Variants in LY86 observed in about 807,000 individuals in gnomAD.
LY86 encodes lymphocyte antigen 86, also known as MD-1, RP105-associated.
In LY86, 20 loss-of-function variants were observed where a neutral mutation model predicts 17.3. That is an observed-to-expected ratio of 1.15 (90% CI 0.81 to 1.68). The LOEUF is 1.68. Among genes scored for constraint, LY86 ranks in the 40% most tolerant of loss-of-function variants. The pLI is 0.00. For synonymous variants in LY86, 74 were observed against 70.6 expected, an observed-to-expected ratio of 1.05 and a Z score of -0.24; for missense variants, 200 against 191.9, an observed-to-expected ratio of 1.04 and a Z score of -0.25.
At position 6,610,456 on chromosome 6, in the gene LY86, G is replaced by C. The variant is rs536648883; in HGVS notation, c.137-14470G>C. On this transcript the variant is annotated intron_variant, in intron 1 of 4. Transcript: ENST00000230568. ...GGGCTCCACTGCCCTGGCCTCTGGG[G>C]CATCTGAGAAGCCTGGTACAGGAAG... 1.8e-4 allele frequency among the ~76,000 whole-genome samples: 28 copies of C among 152,342 alleles called. No homozygotes were observed. The South Asian group carries it at 5.8e-3, about 32-fold the overall frequency.
chr6:6,641,605 A>C (rs1762041201), intron 3 of LY86, among the ~76,000 whole-genome samples: 1 of 152,228 alleles, frequency 6.6e-6, no homozygotes, highest in Non-Finnish European at 1.5e-5. Context: ...AAAGTCAAGG[A>C]ACAGGTTCCA....
At chr6:6,590,318 G>A (rs1048580774) in intron 1 of LY86, among the ~76,000 whole-genome samples, 7 of 152,024 alleles carry the variant, frequency 4.6e-5, no homozygotes, top group African/African-American at 9.7e-5. Context: ...CGGACAGGCC[G>A]GTAGTAGAGA....
intron 1 of LY86, among the ~76,000 whole-genome samples, chr6:6,624,672 A>T (rs1235267111): frequency 6.6e-6 from 1 of 152,222 alleles, no homozygotes; most frequent in Non-Finnish European, 1.5e-5. Context: ...ACAAGTAAAG[A>T]TATAACCCAA....
chr6:6,644,409 A>C (rs950873836), intron 3 of LY86, among the ~76,000 whole-genome samples: 1 of 152,066 alleles, frequency 6.6e-6, no homozygotes, highest in African/African-American at 2.4e-5. Flanking sequence ...TCAGCTACTC[A>C]GGAGGCTGAG....
intron 1 of LY86, among the ~76,000 whole-genome samples, chr6:6,620,275 A>G (rs1475206906): frequency 6.6e-6 from 1 of 152,192 alleles, no homozygotes; most frequent in East Asian, 1.9e-4. Flanking sequence ...ATGGGGAAAG[A>G]CATATGAGAC....
rs181790762 is a variant in LY86, at chr6:6,648,404, A to C, written c.353-1221A>C. ...AATCTTTCCAAGCTCTTCTCAACAC[A>C]GTTCCTCTTGTTCACTGTGCTTCAG... is the stretch of plus-strand genomic sequence containing the variant. On this transcript the variant is annotated intron_variant, in intron 3 of 4. Transcript: ENST00000230568. Among the ~76,000 whole-genome samples, 4 of 152,246 alleles carry C rather than the reference A, an allele frequency of 2.6e-5. No individual in the cohort carries two copies. The East Asian group carries it at 7.7e-4, about 29-fold the overall frequency.
At chr6:6,640,601 T>A (rs1762026175) in intron 3 of LY86, among the ~76,000 whole-genome samples, 1 of 151,808 alleles carries the variant, frequency 6.6e-6, no homozygotes, top group South Asian at 2.1e-4. Flanking sequence ...TAGTCCTGGC[T>A]ACTTGGGAGG....
intron 1 of LY86, among the ~76,000 whole-genome samples, chr6:6,612,042 A>G (rs1021848437): frequency 7.0e-6 from 1 of 143,476 alleles, no homozygotes; most frequent in Admixed American, 7.1e-5. Context: ...ATTAGGAGAG[A>G]GCAAATTGAA....
At chr6:6,597,103 C>T (rs1450127390) in intron 1 of LY86, among the ~76,000 whole-genome samples, 1 of 152,204 alleles carries the variant, frequency 6.6e-6, no homozygotes, top group African/African-American at 2.4e-5. Flanking sequence ...GAAACTACAG[C>T]ATAGGCAACA....
chr6:6,629,771 G>C (rs1761871715), intron 3 of LY86, among the ~76,000 whole-genome samples: 2 of 152,204 alleles, frequency 1.3e-5, no homozygotes, highest in African/African-American at 4.8e-5. Flanking sequence ...TCAAAGACCA[G>C]CTGATGCTCT....
At chr6:6,604,143 C>T (rs1336636273) in intron 1 of LY86, among the ~76,000 whole-genome samples, 2 of 152,108 alleles carry the variant, frequency 1.3e-5, no homozygotes, top group Non-Finnish European at 1.5e-5. Context: ...TCTATGGGGT[C>T]ATATACCCTC....
intron 1 of LY86, 111 bp from the exon 2 acceptor site, chr6:6,624,815 C>T: frequency 1.6e-6 from 1 of 617,064 alleles, no homozygotes; most frequent in Non-Finnish European, 2.9e-6. Flanking sequence ...GGGCAATATG[C>T]TTTTGAATAA....
At chr6:6,653,818 T>C (rs987516543) in intron 4 of LY86, among the ~76,000 whole-genome samples, 2 of 152,228 alleles carry the variant, frequency 1.3e-5, no homozygotes, top group East Asian at 1.9e-4. Context: ...GCGGATCCTA[T>C]TGGCTGTTCT....
intron 2 of LY86, among the ~76,000 whole-genome samples, chr6:6,625,343 CT>C (rs1411184880): frequency 1.3e-5 from 2 of 152,110 alleles, no homozygotes; most frequent in Admixed American, 6.5e-5. Flanking sequence ...GATCTCCTAA[CT>C]TTTTTAGTTA....
At chr6:6,596,353 A>T (rs1760712208) in intron 1 of LY86, among the ~76,000 whole-genome samples, 1 of 152,232 alleles carries the variant, frequency 6.6e-6, no homozygotes, top group African/African-American at 2.4e-5. Context: ...TCAGAACCTA[A>T]TAATTCTGAA....
At chr6:6,601,473 A>G (rs1374622036) in intron 1 of LY86, among the ~76,000 whole-genome samples, 8 of 152,244 alleles carry the variant, frequency 5.3e-5, no homozygotes, top group Non-Finnish European at 1.0e-4. Context: ...CTGTAATCCC[A>G]GCACTTTGGG....
At chr6:6,646,635 A>C (rs905604985) in intron 3 of LY86, among the ~76,000 whole-genome samples, 2 of 152,138 alleles carry the variant, frequency 1.3e-5, no homozygotes, top group African/African-American at 2.4e-5. Context: ...TAGCACCTTG[A>C]CTGCAATAAT....
intron 3 of LY86, among the ~76,000 whole-genome samples, chr6:6,630,157 A>G (rs1010696284): frequency 1.3e-5 from 2 of 152,228 alleles, no homozygotes; most frequent in Admixed American, 6.5e-5. Context: ...TACTCTTTTA[A>G]GTGTTACTTT....
At chr6:6,629,828 C>T (rs1398466922) in intron 3 of LY86, among the ~76,000 whole-genome samples, 1 of 152,148 alleles carries the variant, frequency 6.6e-6, no homozygotes, top group Non-Finnish European at 1.5e-5. Flanking sequence ...GAGGAAATAG[C>T]GTATATGGCC....
Sources: allele counts gnomAD v4.1 joint callset (sites outside exome capture counted in the v4.1 genomes callset), GRCh38; gene constraint gnomAD v4.1.1; transcripts MANE v1.5; gene names NCBI Gene and HGNC (gene_info 2026-07-23, HGNC 2026-07-21).